The following GPD2 variants were observed in gnomAD, a reference collection of about 807,000 sequenced individuals.
GPD2 encodes the protein glycerol-3-phosphate dehydrogenase 2.
In GPD2, 54 loss-of-function variants were observed where a neutral mutation model predicts 82.4. The ratio of observed to expected loss-of-function variants is 0.66; its 90% CI spans 0.53 to 0.82. GPD2 has a LOEUF of 0.82. GPD2 is among the 40% of genes least tolerant of loss of function. The pLI, the probability that GPD2 is intolerant of heterozygous loss-of-function variation, is 0.00. For synonymous variants in GPD2, 288 were observed against 306.1 expected, an observed-to-expected ratio of 0.94 and a Z score of 0.62; for missense variants, 748 against 896.2, an observed-to-expected ratio of 0.83 and a Z score of 2.11.
chr2:156,565,059 C>A (rs1687332677), intron 9 of GPD2, among the ~76,000 whole-genome samples: 1 of 152,064 alleles, frequency 6.6e-6, no homozygotes, highest in South Asian at 2.1e-4. Flanking sequence ...ATGTGCTTTT[C>A]TGCCTGTTAT....
chr2:156,401,164 G>T, the GPD2 span, among the ~76,000 whole-genome samples: 1 of 152,078 alleles, frequency 6.6e-6, no homozygotes, highest in Non-Finnish European at 1.5e-5. Flanking sequence ...GCCGGGAATC[G>T]AACCCGGGCC....
Position 156,583,641 on chromosome 2 carries a change from T to C in GPD2, c.*723T>C, listed in dbSNP as rs569662812. 1 of 152,790 alleles carries C rather than the reference T, an allele frequency of 6.5e-6. No individual in the cohort carries two copies. The highest frequency in any genetic ancestry group is 1.5e-5 in the Non-Finnish European group (1 of 68,108). 9.5% of individuals were successfully genotyped at this position (152,790 alleles called of 1,614,324 possible). A position where few individuals can be genotyped will look rare whatever the true frequency, so the allele number is the denominator to read the frequency against. Reference sequence around the variant, plus strand: ...CATTTGCTGGGAGTTACAGTGATAGTTTCATCTCAGCAGTTCATTTTTTTC... The same window carrying C: ...CATTTGCTGGGAGTTACAGTGATAGCTTCATCTCAGCAGTTCATTTTTTTC... On this transcript the variant is annotated 3_prime_UTR_variant, in exon 17 of 17. Transcript: ENST00000438166.
At chr2:156,506,863 C>T (rs973061326) in intron 3 of GPD2, among the ~76,000 whole-genome samples, 5 of 152,164 alleles carry the variant, frequency 3.3e-5, no homozygotes, top group Admixed American at 3.3e-4. Flanking sequence ...TTTCTCAAAA[C>T]AATATCTGAG....
chr2:156,575,847 G>T (rs1254852267), intron 13 of GPD2, among the ~76,000 whole-genome samples: 1 of 152,158 alleles, frequency 6.6e-6, no homozygotes, highest in Non-Finnish European at 1.5e-5. Context: ...CCTCAGAAGA[G>T]GTCTCTGGTA....
chr2:156,550,784 A>C, intron 8 of GPD2, 38 bp downstream of exon 8: 1 of 1,567,792 alleles, frequency 6.4e-7, no homozygotes, highest in Non-Finnish European at 8.8e-7. Context: ...CACCCAAAAA[A>C]GAGGGTCAGC....
chr2:156,527,667 A>G (rs1685664429), intron 6 of GPD2, among the ~76,000 whole-genome samples: 1 of 152,130 alleles, frequency 6.6e-6, no homozygotes, highest in Admixed American at 6.5e-5. Context: ...GAATAAAATA[A>G]AAAAGTATAT....
chr2:156,521,616 G>T (rs999817897), intron 6 of GPD2, among the ~76,000 whole-genome samples: 4 of 152,130 alleles, frequency 2.6e-5, no homozygotes, highest in Admixed American at 6.6e-5. Context: ...CCCCTTGTAT[G>T]TTTAAAATTT....
intron 6 of GPD2, among the ~76,000 whole-genome samples, chr2:156,531,485 A>G (rs1685857551): frequency 6.6e-6 from 1 of 152,190 alleles, no homozygotes; most frequent in South Asian, 2.1e-4. Context: ...CTTTTCATTT[A>G]CTTTAAAATG....
At chr2:156,479,948 CAAAG>C (rs1202838472) in intron 2 of GPD2, among the ~76,000 whole-genome samples, 1 of 152,126 alleles carries the variant, frequency 6.6e-6, no homozygotes, top group Non-Finnish European at 1.5e-5. Flanking sequence ...TTTTACCACT[CAAAG>C]AAACCAACCC....
At position 156,583,995 on chromosome 2, in the gene GPD2, T is replaced by A. The variant is rs1452080674; in HGVS notation, c.*1077T>A. On this transcript the variant is annotated 3_prime_UTR_variant, in exon 17 of 17. Coordinates refer to ENST00000438166, the MANE Select transcript of GPD2 (RefSeq NM_000408.5). ...ACTTTAATTATAATTATATGTTAAA[T>A]AAGGCACATAACCAGTTTCCAAGGT... 6.6e-6 allele frequency: 1 copy of A among 152,050 alleles called. No individual in the cohort carries two copies. Among genetic ancestry groups the A allele is most frequent in the African/African-American group, 2.4e-5 (1 of 41,418 alleles). 9.4% of individuals were successfully genotyped at this position (152,050 alleles called of 1,614,324 possible).
At chr2:156,432,702 A>T (rs995191508), upstream of GPD2, among the ~76,000 whole-genome samples, 1 of 152,254 alleles carries the variant, frequency 6.6e-6, no homozygotes, top group African/African-American at 2.4e-5. Flanking sequence ...TTATTGGAGA[A>T]AATTATCTAC....
chr2:156,568,739 A>G, intron 9 of GPD2, 86 bp from the exon 10 acceptor site: 1 of 1,195,026 alleles, frequency 8.4e-7, no homozygotes, highest in Non-Finnish European at 1.2e-6. Context: ...TATTCCTGTC[A>G]CCGAACTCTT....
intron 1 of GPD2, among the ~76,000 whole-genome samples, chr2:156,453,227 A>G (rs1457436062): frequency 5.9e-5 from 9 of 152,176 alleles, no homozygotes; most frequent in Admixed American, 4.6e-4. Context: ...TTGCCAAGTA[A>G]AAATGAAGCA....
At chr2:156,476,075 T>A (rs940492565) in intron 1 of GPD2, 23 bp from the exon 2 acceptor site, 3 of 1,243,664 alleles carry the variant, frequency 2.4e-6, no homozygotes, top group Non-Finnish European at 3.6e-6. Context: ...TAACTTCTTT[T>A]TGTTTCTTAT....
At chr2:156,561,484 A>G (rs975780519) in intron 9 of GPD2, among the ~76,000 whole-genome samples, 2 of 152,130 alleles carry the variant, frequency 1.3e-5, no homozygotes, top group African/African-American at 4.8e-5. Context: ...TACTATGTGC[A>G]CTAGGGAGTG....
chr2:156,541,104 A>G (rs1029698361), intron 6 of GPD2, among the ~76,000 whole-genome samples: 3 of 152,234 alleles, frequency 2.0e-5, no homozygotes, highest in Non-Finnish European at 2.9e-5. Flanking sequence ...CTTCCTCACA[A>G]TAACTCTGTG....
chr2:156,552,827 T>A (rs1056804040), intron 8 of GPD2, among the ~76,000 whole-genome samples: 2 of 152,046 alleles, frequency 1.3e-5, no homozygotes, highest in Non-Finnish European at 2.9e-5. Context: ...CTGGGGTTTG[T>A]TCATCACTTT....
At chr2:156,440,243 G>A (rs952458184) in intron 1 of GPD2, among the ~76,000 whole-genome samples, 14 of 152,146 alleles carry the variant, frequency 9.2e-5, no homozygotes, top group African/African-American at 3.1e-4. Context: ...GTATGAGGAA[G>A]ATATGATCAA....
At chr2:156,551,962 A>T (rs1686775384) in intron 8 of GPD2, among the ~76,000 whole-genome samples, 2 of 152,170 alleles carry the variant, frequency 1.3e-5, no homozygotes, top group South Asian at 2.1e-4. Flanking sequence ...GATAAAGTGG[A>T]TGTGTAGAAC....
Sources: allele counts gnomAD v4.1 joint callset (sites outside exome capture counted in the v4.1 genomes callset), GRCh38; gene constraint gnomAD v4.1.1; transcripts MANE v1.5; gene names NCBI Gene and HGNC (gene_info 2026-07-23, HGNC 2026-07-21).